The following ZNF654 variants were observed in gnomAD, a reference collection of about 807,000 sequenced individuals.
ZNF654 encodes melanoma-associated antigen.
In ZNF654, 19 loss-of-function variants were observed where a neutral mutation model predicts 95.3. That is an observed-to-expected ratio of 0.20 (90% CI 0.14 to 0.29). The LOEUF is 0.29. Ranked by LOEUF, ZNF654 falls within the 10% of genes least tolerant of loss-of-function variation. ZNF654 has a pLI of 1.00. For missense variants in ZNF654, 1,046 were observed against 1,341.0 expected (o/e 0.78, Z 3.44); for synonymous variants, 413 against 457.9 (o/e 0.90, Z 1.25).
Position 88,126,158 on chromosome 3 carries a change from T to C in ZNF654, c.439T>C (p.Tyr147His). 2 of 1,519,478 alleles carry C rather than the reference T, an allele frequency of 1.3e-6. No homozygotes were observed. The highest frequency in any genetic ancestry group is 1.8e-6 in the Non-Finnish European group (2 of 1,136,714). The allele number at this position is 1,519,478 out of a possible 1,614,324, so 94.1% of individuals were successfully genotyped here. A position where few individuals can be genotyped will look rare whatever the true frequency, so the allele number is the denominator to read the frequency against. The change falls in exon 4 of 9, where the codon TAT becomes CAT. Residue 147 changes from tyrosine to histidine, a missense_variant. Physicochemically the swap from Tyr to His is moderately conservative, Grantham distance 83. Around this residue, in one of 9 missense-constraint regions of ZNF654, gnomAD observed 91 missense variants for 190.5 expected, o/e 0.48. Coordinates refer to ENST00000636215, the MANE Select transcript of ZNF654 (RefSeq NM_001350134.2). ...GGAATGCCAGAATCACCTCCGCAGA[T>C]ATGGAAATGTGAATCTGGAACTGGT... ...FQECQNHLRR[Y>H]GNVNLELVTR... is the part of the protein sequence containing the mutation.
At chr3:88,099,786 A>G (rs1180246347) in intron 2 of ZNF654, among the ~76,000 whole-genome samples, 1 of 152,230 alleles carries the variant, frequency 6.6e-6, no homozygotes, top group Non-Finnish European at 1.5e-5. Context: ...GAAAGCTGAA[A>G]ATGGGTCCCT....
intron 2 of ZNF654, among the ~76,000 whole-genome samples, chr3:88,105,284 T>G (rs1010275986): frequency 1.8e-5 from 1 of 55,954 alleles, no homozygotes; most frequent in Non-Finnish European, 5.5e-5. Context: ...TTTTCCACCC[T>G]GCTTTTTTTT....
intron 1 of ZNF654, among the ~76,000 whole-genome samples, chr3:88,069,553 A>C (rs1398157715): frequency 6.6e-6 from 1 of 152,220 alleles, no homozygotes; most frequent in African/African-American, 2.4e-5. Context: ...TTATAACTAC[A>C]CAAAACAGGA....
At chr3:88,119,422 T>G (rs1393553239) in intron 3 of ZNF654, among the ~76,000 whole-genome samples, 2 of 136,248 alleles carry the variant, frequency 1.5e-5, no homozygotes, top group African/African-American at 2.7e-5. Context: ...GGGATAGCAT[T>G]GGGAGATATA....
Position 88,141,665 on chromosome 3 carries a change from A to G in ZNF654, c.*13A>G. 1.3e-6 allele frequency: 2 copies of G among 1,505,174 alleles called. No individual in the cohort carries two copies. Among genetic ancestry groups the G allele is most frequent in the Non-Finnish European group, 1.8e-6 (2 of 1,112,218 alleles). 93.2% of individuals were successfully genotyped at this position (1,505,174 alleles called of 1,614,324 possible). On this transcript the variant is annotated 3_prime_UTR_variant, in exon 9 of 9. Transcript: ENST00000636215. ...TACAGGTGCCTGATGAAAACGGTTC[A>G]GAAAGATCTGTCAATCAAGCAGTAG...
intron 2 of ZNF654, among the ~76,000 whole-genome samples, chr3:88,098,533 G>A (rs1023373912): frequency 1.3e-5 from 2 of 152,090 alleles, no homozygotes; most frequent in Non-Finnish European, 2.9e-5. Flanking sequence ...AACAAAAAAT[G>A]AGAATTTTAG....
At chr3:88,094,586 G>A (rs1703945610) in intron 2 of ZNF654, among the ~76,000 whole-genome samples, 1 of 151,978 alleles carries the variant, frequency 6.6e-6, no homozygotes, top group African/African-American at 2.4e-5. Flanking sequence ...TAGTTCTCTT[G>A]GTCAGTGTGG....
At chr3:88,126,820 GAA>G (rs1706134678) in intron 4 of ZNF654, among the ~76,000 whole-genome samples, 1 of 152,012 alleles carries the variant, frequency 6.6e-6, no homozygotes, top group Non-Finnish European at 1.5e-5. Context: ...GTGACTAACT[GAA>G]TGAATAAATT....
intron 5 of ZNF654, 56 bp downstream of exon 5, chr3:88,129,067 CAAA>C: frequency 9.7e-7 from 1 of 1,036,210 alleles, no homozygotes; most frequent in Non-Finnish European, 1.3e-6. Flanking sequence ...AAAAAAAAAC[CAAA>C]AAAAAAAAGT....
At chr3:88,086,225 C>T (rs537913954) in intron 1 of ZNF654, 32 bp from the exon 2 acceptor site, 2 of 1,498,930 alleles carry the variant, frequency 1.3e-6, no homozygotes, top group East Asian at 4.9e-5. Context: ...AGAACTTTTT[C>T]TATAGTAATG....
intron 2 of ZNF654, among the ~76,000 whole-genome samples, chr3:88,100,958 A>G (rs1704386379): frequency 6.6e-6 from 1 of 152,200 alleles, no homozygotes; most frequent in African/African-American, 2.4e-5. Context: ...TTAAAGTATA[A>G]TAAAAGAAAA....
chr3:88,133,023 C>T (rs1384478848), intron 6 of ZNF654, among the ~76,000 whole-genome samples: 3 of 152,154 alleles, frequency 2.0e-5, no homozygotes, highest in African/African-American at 7.2e-5. Context: ...AAATCTGTTT[C>T]TTTTCTGTCA....
At chr3:88,135,321 C>T in intron 7 of ZNF654, 119 bp downstream of exon 7, 1 of 769,108 alleles carries the variant, frequency 1.3e-6, no homozygotes, top group Non-Finnish European at 1.9e-6. Flanking sequence ...ATTTTAAGGC[C>T]ACATTCTCCA....
In ZNF654 at chr3:88,139,732, A is replaced by G. The variant is rs1426109943; in HGVS notation, c.2063A>G (p.Asn688Ser). Residue 688 changes from asparagine (N) to serine (S), a missense_variant, in exon 8 of 9, where the codon AAT becomes AGT. Physicochemically the swap from Asn to Ser is conservative, Grantham distance 46 (BLOSUM62 1). Transcript: ENST00000636215. ...GGCAGTCCTAATAATTCTTTAAATAATGTTTTCAAGCCTTTAACTGAATGT... is the reference window on the plus strand; with the variant it reads ...GGCAGTCCTAATAATTCTTTAAATAGTGTTTTCAAGCCTTTAACTGAATGT... ...ENGSPNNSLNNVFKPLTECGD... is the reference protein window; with the variant it reads ...ENGSPNNSLNSVFKPLTECGD... The G allele has an allele frequency of 3.2e-6, 5 of 1,558,014 alleles. No individual in the cohort carries two copies. The highest frequency in any genetic ancestry group is 2.4e-5 in the East Asian group (1 of 41,580).
At chr3:88,128,048 C>T (rs1706224467) in intron 4 of ZNF654, among the ~76,000 whole-genome samples, 1 of 152,024 alleles carries the variant, frequency 6.6e-6, no homozygotes, top group Non-Finnish European at 1.5e-5. Context: ...ATACGGGTTC[C>T]AGTTCCTGCT....
intron 2 of ZNF654, among the ~76,000 whole-genome samples, chr3:88,101,374 ATATG>A (rs1335454594): frequency 6.6e-6 from 1 of 152,166 alleles, no homozygotes; most frequent in East Asian, 1.9e-4. Flanking sequence ...ATATCATAGA[ATATG>A]TAGTATTTTG....
At chr3:88,112,813 CATT>C (rs370506561) in intron 2 of ZNF654, among the ~76,000 whole-genome samples, 20 of 152,052 alleles carry the variant, frequency 1.3e-4, no homozygotes, top group African/African-American at 4.8e-4. Flanking sequence ...ATATAGCTAT[CATT>C]GTTGTGACCT....
chr3:88,125,459 G>A (rs1284359934), intron 3 of ZNF654, among the ~76,000 whole-genome samples: 1 of 152,072 alleles, frequency 6.6e-6, no homozygotes, highest in Non-Finnish European at 1.5e-5. Context: ...AAAATGTATG[G>A]ACAAATTCAC....
At chr3:88,060,000 C>A (rs759540412) in intron 1 of ZNF654, among the ~76,000 whole-genome samples, 31 of 151,992 alleles carry the variant, frequency 2.0e-4, no homozygotes, top group Non-Finnish European at 3.2e-4. Flanking sequence ...CTTCTAGGGT[C>A]TCCTGTCATC....
Sources: gnomAD v4.1 joint callset for allele counts (sites outside exome capture counted in the v4.1 genomes callset) on GRCh38, gnomAD v4.1.1 for gene constraint, gnomAD v4.1.1 regional missense constraint, MANE v1.5 for transcripts, NCBI Gene and HGNC (gene_info 2026-07-23, HGNC 2026-07-21) for gene names.